Variants in PCSK5 observed in about 807,000 individuals in gnomAD.
The protein encoded by PCSK5 is prohormone convertase 5.
PCSK5 carries 129 observed loss-of-function variants against 233.2 expected under a neutral mutation model. The ratio of observed to expected loss-of-function variants is 0.55; its 90% CI spans 0.48 to 0.64. The LOEUF (loss-of-function observed/expected upper bound fraction) is 0.64. Ranked by LOEUF, PCSK5 falls within the 30% of genes least tolerant of loss-of-function variation. The probability of loss-of-function intolerance (pLI) is 0.00; values close to 1 mark genes in which losing one functional copy is unlikely to be tolerated. For synonymous variants in PCSK5, 825 were observed against 879.2 expected (o/e 0.94, Z 1.09); for missense variants, 2,076 against 2,430.1 (o/e 0.85, Z 3.06).
intron 20 of PCSK5, among the ~76,000 whole-genome samples, chr9:76,218,651 A>G (rs920848603): frequency 6.7e-6 from 1 of 150,114 alleles, no homozygotes; most frequent in African/African-American, 2.4e-5. Flanking sequence ...TTTGATCCCC[A>G]CCACATCCTA....
chr9:76,062,781 T>G (rs1830075914), intron 5 of PCSK5, among the ~76,000 whole-genome samples: 1 of 152,214 alleles, frequency 6.6e-6, no homozygotes, highest in Admixed American at 6.5e-5. Flanking sequence ...CCTTAAATAT[T>G]TATCTTCTTT....
intron 2 of PCSK5, among the ~76,000 whole-genome samples, chr9:75,959,210 G>T (rs1825226770): frequency 6.6e-6 from 1 of 152,172 alleles, no homozygotes; most frequent in Admixed American, 6.5e-5. Flanking sequence ...GAAGAAGTTT[G>T]CCAGTGGACA....
chr9:76,175,295 T>C (rs372484752), intron 14 of PCSK5, 166 bp downstream of exon 14: 11,141 of 400,350 alleles, frequency 0.028, 184 homozygotes, highest in East Asian at 0.077. Context: ...TCGAATCGAA[T>C]AGAATAGAAT....
intron 1 of PCSK5, among the ~76,000 whole-genome samples, chr9:75,891,600 CTT>C (rs1334095612): frequency 6.6e-6 from 1 of 151,940 alleles, no homozygotes; most frequent in Non-Finnish European, 1.5e-5. Flanking sequence ...GTTTACTTGT[CTT>C]TTCCAAGCCA....
chr9:76,313,659 C>G (rs1305658402), intron 30 of PCSK5, among the ~76,000 whole-genome samples: 1 of 152,030 alleles, frequency 6.6e-6, no homozygotes, highest in Non-Finnish European at 1.5e-5. Flanking sequence ...ATAGCAAGAC[C>G]CTGTCTCTGA....
intron 1 of PCSK5, among the ~76,000 whole-genome samples, chr9:75,892,243 A>G (rs1587318109): frequency 1.3e-5 from 2 of 152,332 alleles, no homozygotes; most frequent in Admixed American, 6.5e-5. Flanking sequence ...AGAAATGCCC[A>G]TAAACTAAGG....
chr9:75,922,618 C>G (rs956630832), intron 1 of PCSK5, among the ~76,000 whole-genome samples: 3 of 152,112 alleles, frequency 2.0e-5, no homozygotes, highest in African/African-American at 7.2e-5. Context: ...CTGGGAAGAA[C>G]TTTTTAACAA....
intron 5 of PCSK5, among the ~76,000 whole-genome samples, chr9:76,040,389 C>CTG (rs1829064141): frequency 2.5e-5 from 3 of 120,296 alleles, no homozygotes; most frequent in Non-Finnish European, 3.6e-5. Flanking sequence ...CTCTCTGTCT[C>CTG]TCTCTCTCTC....
intron 10 of PCSK5, among the ~76,000 whole-genome samples, chr9:76,143,863 A>G (rs1378052096): frequency 6.6e-6 from 1 of 151,866 alleles, no homozygotes; most frequent in African/African-American, 2.4e-5. Flanking sequence ...GCCTTCACAT[A>G]TTTCCTTTGT....
chr9:76,320,152 A>C (rs1564177519), intron 30 of PCSK5, among the ~76,000 whole-genome samples: 1 of 151,986 alleles, frequency 6.6e-6, no homozygotes. Flanking sequence ...CTTGTGTCTT[A>C]ATTTATTACA....
At chr9:76,074,248 C>T (rs894602519) in intron 7 of PCSK5, among the ~76,000 whole-genome samples, 12 of 152,056 alleles carry the variant, frequency 7.9e-5, no homozygotes, top group African/African-American at 2.9e-4. Context: ...CTGGGGCAAC[C>T]CTTAAGAATA....
rs1368237319 is a variant in PCSK5 at position 75,989,565 on chromosome 9, CT to C, written c.411+3323del. On this transcript the variant is annotated intron_variant, in intron 3 of 37. Coordinates refer to ENST00000674117, the MANE Select transcript of PCSK5 (RefSeq NM_001372043.1). ...TTCAGACGGGGCCCAGGGATGATGGCTTTCCTCTGTTCTGGGATGTCTGGGG... is the reference window on the plus strand; with the variant it reads ...TTCAGACGGGGCCCAGGGATGATGGCTTCCTCTGTTCTGGGATGTCTGGGG... Among the ~76,000 whole-genome samples, 10 of 151,928 alleles carry C rather than the reference CT, an allele frequency of 6.6e-5. No homozygotes were observed. The East Asian group carries it at 1.9e-3, about 29-fold the overall frequency.
intron 10 of PCSK5, among the ~76,000 whole-genome samples, chr9:76,147,230 T>C (rs1587686519): frequency 6.6e-6 from 1 of 152,314 alleles, no homozygotes; most frequent in East Asian, 1.9e-4. Flanking sequence ...TGAGTGATAA[T>C]GCAAGTCTAG....
chr9:76,292,606 G>A (rs147995975), intron 25 of PCSK5, among the ~76,000 whole-genome samples: 97 of 152,290 alleles, frequency 6.4e-4, no homozygotes, highest in African/African-American at 2.2e-3. Flanking sequence ...GTTTGCAAAC[G>A]TCTGCATGGA....
At chr9:76,094,672 G>A (rs780233627) in intron 7 of PCSK5, among the ~76,000 whole-genome samples, 1 of 151,796 alleles carries the variant, frequency 6.6e-6, no homozygotes, top group African/African-American at 2.4e-5. Flanking sequence ...GCATGACCTC[G>A]GCTCATTGCA....
chr9:76,319,586 T>C (rs1829133172), intron 30 of PCSK5, among the ~76,000 whole-genome samples: 1 of 152,052 alleles, frequency 6.6e-6, no homozygotes, highest in South Asian at 2.1e-4. Flanking sequence ...GGTCGAGCGG[T>C]AACGCCAGTG....
intron 3 of PCSK5, among the ~76,000 whole-genome samples, chr9:76,020,884 C>T (rs1828155839): frequency 1.3e-5 from 2 of 152,126 alleles, no homozygotes; most frequent in Admixed American, 6.5e-5. Flanking sequence ...ATGTCACAAT[C>T]GATACCGCAG....
chr9:76,211,655 C>T (rs1055256361), intron 20 of PCSK5, among the ~76,000 whole-genome samples: 2 of 152,202 alleles, frequency 1.3e-5, no homozygotes, highest in African/African-American at 4.8e-5. Flanking sequence ...TCAAGACTAA[C>T]ATCGACAACA....
At chr9:76,214,607 G>A (rs1359894866) in intron 20 of PCSK5, among the ~76,000 whole-genome samples, 1 of 152,120 alleles carries the variant, frequency 6.6e-6, no homozygotes, top group East Asian at 1.9e-4. Flanking sequence ...AAAACAAGCA[G>A]TATACAATGC....
Sources: gnomAD v4.1 joint callset for allele counts (sites outside exome capture counted in the v4.1 genomes callset) on GRCh38, gnomAD v4.1.1 for gene constraint, MANE v1.5 for transcripts, NCBI Gene and HGNC (gene_info 2026-07-23, HGNC 2026-07-21) for gene names.